The following TSPAN8 variants were observed in gnomAD, a reference collection of about 807,000 sequenced individuals.
TSPAN8 encodes tetraspanin 8, also known as tetraspanin-8.
Under a neutral mutation model 32.8 loss-of-function variants are expected in TSPAN8, and 21 were observed. The observed-to-expected ratio is 0.64, with a 90% CI of 0.45 to 0.92. The LOEUF (loss-of-function observed/expected upper bound fraction) is 0.92. Ranked by LOEUF, TSPAN8 falls within the 40% of genes least tolerant of loss-of-function variation. TSPAN8 has a pLI of 0.00. For missense variants in TSPAN8, 269 were observed against 281.9 expected, an observed-to-expected ratio of 0.95 and a Z score of 0.33; for synonymous variants, 95 against 94.6, an observed-to-expected ratio of 1.00 and a Z score of -0.03.
At chr12:71,131,818 A>C (rs1354877115) in intron 7 of TSPAN8, among the ~76,000 whole-genome samples, 1 of 151,948 alleles carries the variant, frequency 6.6e-6, no homozygotes, top group African/African-American at 2.4e-5. Flanking sequence ...AACCCCACAG[A>C]CTAAGTGAGA....
At chr12:71,133,027 AGTTGCAGACTC>A in intron 6 of TSPAN8, among the ~76,000 whole-genome samples, 1 of 152,306 alleles carries the variant, frequency 6.6e-6, no homozygotes, top group South Asian at 2.1e-4. Flanking sequence ...GGAAAAATGG[AGTTGCAGACTC>A]AAAAATCTGA....
At chr12:71,140,322 T>C (rs1331879682) in intron 3 of TSPAN8, among the ~76,000 whole-genome samples, 1 of 152,196 alleles carries the variant, frequency 6.6e-6, no homozygotes, top group African/African-American at 2.4e-5. Context: ...GTAAATACTG[T>C]ATGATTCCAT....
At chr12:71,126,164 G>A (rs1431572981) in intron 8 of TSPAN8, among the ~76,000 whole-genome samples, 1 of 152,178 alleles carries the variant, frequency 6.6e-6, no homozygotes, top group Non-Finnish European at 1.5e-5. Context: ...GGAAGGCAAA[G>A]TGACATTTAT....
At chr12:71,137,416 T>TG (rs1226408272) in intron 6 of TSPAN8, among the ~76,000 whole-genome samples, 1 of 152,156 alleles carries the variant, frequency 6.6e-6, no homozygotes, top group Non-Finnish European at 1.5e-5. Flanking sequence ...CTTACCAACA[T>TG]GGTGAGACTC....
intron 8 of TSPAN8, among the ~76,000 whole-genome samples, chr12:71,127,907 A>C (rs1406393247): frequency 6.6e-6 from 1 of 152,180 alleles, no homozygotes; most frequent in Non-Finnish European, 1.5e-5. Flanking sequence ...TAAATATCTC[A>C]TTTAAAGCAT....
chr12:71,144,053 G>T (rs1196561291), intron 3 of TSPAN8, 98 bp downstream of exon 3: 2 of 1,060,822 alleles, frequency 1.9e-6, no homozygotes, highest in African/African-American at 1.6e-5. Context: ...TAAGAAAAAT[G>T]TTTTAGACAT....
chr12:71,133,245 C>G (rs191576440), intron 6 of TSPAN8, among the ~76,000 whole-genome samples: 1 of 152,022 alleles, frequency 6.6e-6, no homozygotes, highest in East Asian at 1.9e-4. Flanking sequence ...CACCACCACG[C>G]CCAGCTAATT....
At chr12:71,134,945 G>C (rs983686095) in intron 6 of TSPAN8, among the ~76,000 whole-genome samples, 1 of 152,154 alleles carries the variant, frequency 6.6e-6, no homozygotes, top group Non-Finnish European at 1.5e-5. Flanking sequence ...AAAGGCAGTA[G>C]GCACTAATGA....
intron 2 of TSPAN8, 150 bp from the exon 3 acceptor site, chr12:71,144,363 G>A (rs1872005436): frequency 1.7e-6 from 1 of 595,590 alleles, no homozygotes; most frequent in Admixed American, 3.0e-5. Flanking sequence ...TTCATATACA[G>A]ATCATTGTTG....
At chr12:71,141,568 T>C (rs769420498) in intron 3 of TSPAN8, among the ~76,000 whole-genome samples, 1 of 152,162 alleles carries the variant, frequency 6.6e-6, no homozygotes, top group Non-Finnish European at 1.5e-5. Context: ...GAGGCCAAGA[T>C]AGTGTGACCA....
chr12:71,139,411 A>C (rs1303909140), intron 4 of TSPAN8: 1 of 526,960 alleles, frequency 1.9e-6, no homozygotes. Flanking sequence ...GTAGGTTCTA[A>C]AGGTCTTATG....
At chr12:71,154,333 A>AATAATG (rs1872355861) in intron 2 of TSPAN8, among the ~76,000 whole-genome samples, 1 of 147,952 alleles carries the variant, frequency 6.8e-6, no homozygotes, top group African/African-American at 2.5e-5. Flanking sequence ...TAATAATAAT[A>AATAATG]ATAATAATAA....
intron 6 of TSPAN8, 67 bp from the exon 7 acceptor site, chr12:71,132,891 A>G (rs1325547680): frequency 1.3e-6 from 2 of 1,555,100 alleles, no homozygotes; most frequent in Non-Finnish European, 1.8e-6. Flanking sequence ...AATACATTAA[A>G]TTATAATCTT....
intron 2 of TSPAN8, among the ~76,000 whole-genome samples, chr12:71,150,230 C>T (rs1404613705): frequency 6.6e-6 from 1 of 152,198 alleles, no homozygotes; most frequent in Admixed American, 6.5e-5. Context: ...AACACATGCA[C>T]CGCTGAACAC....
intron 2 of TSPAN8, among the ~76,000 whole-genome samples, chr12:71,155,157 G>A (rs1872386703): frequency 6.6e-6 from 1 of 152,168 alleles, no homozygotes; most frequent in African/African-American, 2.4e-5. Context: ...AACAGTAAAT[G>A]AGAAGTTTCT....
chr12:71,151,218 C>T (rs1188453021), intron 2 of TSPAN8, among the ~76,000 whole-genome samples: 2 of 152,064 alleles, frequency 1.3e-5, no homozygotes, highest in Non-Finnish European at 1.5e-5. Context: ...TGTCAGCCAC[C>T]ACGCCCAGCT....
At chr12:71,151,054 C>A (rs2137060544) in intron 2 of TSPAN8, among the ~76,000 whole-genome samples, 1 of 151,358 alleles carries the variant, frequency 6.6e-6, no homozygotes, top group Non-Finnish European at 1.5e-5. Flanking sequence ...TGATTGCATT[C>A]ACGTGCATCT....
At chr12:71,148,965 G>A (rs1872157354) in intron 2 of TSPAN8, among the ~76,000 whole-genome samples, 1 of 151,988 alleles carries the variant, frequency 6.6e-6, no homozygotes, top group South Asian at 2.1e-4. Flanking sequence ...CATTTTTTCA[G>A]GATTCTAGAA....
At chr12:71,139,099 A>C in intron 4 of TSPAN8, 1 of 455,242 alleles carries the variant, frequency 2.2e-6, no homozygotes, top group South Asian at 1.6e-5. Flanking sequence ...ATTCATTTAA[A>C]CTTTTTTTTT....
Sources: gnomAD v4.1 joint callset for allele counts (sites outside exome capture counted in the v4.1 genomes callset) on GRCh38, gnomAD v4.1.1 for gene constraint, MANE v1.5 for transcripts, NCBI Gene and HGNC (gene_info 2026-07-23, HGNC 2026-07-21) for gene names.